CYLD: variants seen among roughly 807,000 people sequenced by gnomAD.
CYLD encodes the protein CYLD lysine 63 deubiquitinase, also known as ubiquitin carboxyl-terminal hydrolase CYLD.
In CYLD, 26 loss-of-function variants were observed where a neutral mutation model predicts 104.5. The observed-to-expected ratio is 0.25, with a 90% confidence interval of 0.18 to 0.35. The LOEUF (loss-of-function observed/expected upper bound fraction) is 0.35, where lower values mean the gene tolerates loss of function less well. Ranked by LOEUF, CYLD falls within the 10% of genes least tolerant of loss-of-function variation. The pLI is 1.00. For synonymous variants in CYLD, 385 were observed against 399.9 expected, an observed-to-expected ratio of 0.96 and a Z score of 0.45; for missense variants, 703 against 1,136.1, an observed-to-expected ratio of 0.62 and a Z score of 5.48.
intron 2 of CYLD, among the ~76,000 whole-genome samples, chr16:50,744,288 C>A (rs1353483424): frequency 6.6e-6 from 1 of 151,804 alleles, no homozygotes; most frequent in Admixed American, 6.6e-5. Context: ...CGGACTCAGT[C>A]TTTTTTCTGG....
chr16:50,749,886 C>A lies in CYLD; in HGVS notation c.188C>A (p.Ala63Glu), dbSNP rs2150896084. 6.2e-7 allele frequency: 1 copy of A among 1,614,088 alleles called. No individual in the cohort carries two copies. The highest frequency in any genetic ancestry group is 2.2e-5 in the East Asian group (1 of 44,880). The change falls in exon 3 of 19, where the codon GCA (alanine) becomes GAA (glutamate). Residue 63 changes from alanine (A) to glutamate (E), a missense_variant. Physicochemically the swap from Ala to Glu is moderately radical, Grantham distance 107. Around this residue, in one of 5 missense-constraint regions of CYLD, gnomAD observed 142 missense variants for 165.1 expected, o/e 0.86. Transcript: ENST00000427738. ...RSVGHSRIPS[A>E]KGKKNQIGLK... ...GTGGGGCATTCAAGGATTCCTTCTG[C>A]AAAAGGCAAGAAAAATCAGATTGGA...
At chr16:50,765,567 A>G (rs1242071856) in intron 5 of CYLD, among the ~76,000 whole-genome samples, 1 of 152,230 alleles carries the variant, frequency 6.6e-6, no homozygotes, top group Non-Finnish European at 1.5e-5. Flanking sequence ...ACTTTAAATC[A>G]AAAGCTAGAA....
At chr16:50,788,231 C>T (rs1396810156) in intron 14 of CYLD, among the ~76,000 whole-genome samples, 1 of 152,114 alleles carries the variant, frequency 6.6e-6, no homozygotes, top group Non-Finnish European at 1.5e-5. Flanking sequence ...ACTCATCACT[C>T]AAAAAATTTA....
intron 18 of CYLD, chr16:50,795,688 A>G (rs1971968859): frequency 2.9e-6 from 2 of 696,282 alleles, no homozygotes; most frequent in Non-Finnish European, 5.2e-6. Context: ...CTGATGCTTG[A>G]GGGATACATC....
Position 50,789,791 on chromosome 16 carries a change from T to C in CYLD, c.2109-1767T>C, listed in dbSNP as rs115371068. On this transcript the variant is annotated intron_variant, in intron 14 of 18. Transcript: ENST00000427738. ...GAGACTATAAGATGTTCTTAAATGA[T>C]TGAAGAGACAAAAGAACTAGATGAC... Among the ~76,000 whole-genome samples the C allele has an allele frequency of 5.1e-3, 778 of 152,212 alleles. 8 individuals carry two copies. Among genetic ancestry groups the C allele is most frequent in the African/African-American group, 0.018 (728 of 41,516 alleles).
chr16:50,795,942 A>G (rs2160683), intron 18 of CYLD, among the ~76,000 whole-genome samples: 1 of 151,788 alleles, frequency 6.6e-6, no homozygotes, highest in Non-Finnish European at 1.5e-5. Flanking sequence ...GACTAGATCT[A>G]TTCCAAATTG....
intron 18 of CYLD, chr16:50,795,730 A>C: frequency 1.6e-6 from 1 of 623,770 alleles, no homozygotes; most frequent in Non-Finnish European, 2.9e-6. Flanking sequence ...CCCCCAACCC[A>C]GTTAACATTT....
intron 5 of CYLD, among the ~76,000 whole-genome samples, chr16:50,755,648 A>G (rs941347747): frequency 5.3e-5 from 8 of 152,270 alleles, no homozygotes; most frequent in African/African-American, 1.9e-4. Flanking sequence ...GCATTTTCCC[A>G]TATGCTTGTT....
intron 14 of CYLD, among the ~76,000 whole-genome samples, chr16:50,788,542 C>A (rs990749255): frequency 2.0e-5 from 3 of 152,116 alleles, no homozygotes; most frequent in African/African-American, 7.2e-5. Flanking sequence ...CACTGTTGAA[C>A]TGATGGGTGA....
intron 14 of CYLD, 146 bp downstream of exon 14, chr16:50,787,998 G>A (rs1017175555): frequency 1.3e-5 from 7 of 548,500 alleles, no homozygotes; most frequent in South Asian, 4.8e-5. Context: ...TATCATGCAA[G>A]TTAATTTTAT....
intron 4 of CYLD, among the ~76,000 whole-genome samples, chr16:50,752,673 C>G (rs1966726748): frequency 6.6e-6 from 1 of 152,190 alleles, no homozygotes; most frequent in Non-Finnish European, 1.5e-5. Flanking sequence ...AGTAACTGCC[C>G]ACTTTCCCCA....
intron 5 of CYLD, among the ~76,000 whole-genome samples, chr16:50,764,778 G>A (rs1968314229): frequency 6.6e-6 from 1 of 152,112 alleles, no homozygotes; most frequent in Non-Finnish European, 1.5e-5. Context: ...AGTACTACTG[G>A]CCTCTAATGC....
chr16:50,754,210 T>G, intron 4 of CYLD, 109 bp from the exon 5 acceptor site: 1 of 762,202 alleles, frequency 1.3e-6, no homozygotes. Context: ...GGTAAAATTG[T>G]TAACATTTAC....
intron 2 of CYLD, among the ~76,000 whole-genome samples, chr16:50,748,110 A>G (rs1436374844): frequency 3.3e-5 from 5 of 152,258 alleles, no homozygotes. Context: ...AATAAAATAA[A>G]TATGATAGTG....
At chr16:50,765,072 T>TA (rs1968350332) in intron 5 of CYLD, among the ~76,000 whole-genome samples, 1 of 152,224 alleles carries the variant, frequency 6.6e-6, no homozygotes, top group Non-Finnish European at 1.5e-5. Context: ...TAATTTCACT[T>TA]GTCTTACGAA....
At chr16:50,781,131 C>T (rs776984200) in intron 9 of CYLD, 115 bp from the exon 10 acceptor site, 31 of 1,109,274 alleles carry the variant, frequency 2.8e-5, no homozygotes, top group Non-Finnish European at 3.7e-5. Context: ...AGTACAGGTG[C>T]GAAGAGGGAG....
At chr16:50,777,223 T>C (rs1412837664) in intron 7 of CYLD, among the ~76,000 whole-genome samples, 1 of 152,134 alleles carries the variant, frequency 6.6e-6, no homozygotes, top group South Asian at 2.1e-4. Flanking sequence ...CTTGAATTAA[T>C]ACTGAGGCAG....
At chr16:50,765,426 T>C (rs1968393082) in intron 5 of CYLD, among the ~76,000 whole-genome samples, 1 of 152,186 alleles carries the variant, frequency 6.6e-6, no homozygotes, top group Non-Finnish European at 1.5e-5. Flanking sequence ...CACTGACTAG[T>C]GGGGCCTCTG....
rs987749482 is a variant in CYLD, at chr16:50,797,246, G to GT, written c.*744dup. 8.6e-6 allele frequency: 2 copies of GT among 232,336 alleles called. No individual in the cohort carries two copies. The highest frequency in any genetic ancestry group is 1.7e-5 in the Non-Finnish European group (2 of 117,534). The allele number at this position is 232,336 out of a possible 1,614,324, so 14.4% of individuals were successfully genotyped here. On this transcript the variant is annotated 3_prime_UTR_variant, in exon 19 of 19. Coordinates refer to ENST00000427738, the MANE Select transcript of CYLD (RefSeq NM_001378743.1). ...CATAGTAGTTACTGTCAGCTAACAG[G>GT]TTTTTTAAGGCTTTTAACTATTAAT...
Sources: allele counts gnomAD v4.1 joint callset (sites outside exome capture counted in the v4.1 genomes callset), GRCh38; gene constraint gnomAD v4.1.1; regional missense constraint gnomAD v4.1.1; transcripts MANE v1.5; gene names NCBI Gene and HGNC (gene_info 2026-07-23, HGNC 2026-07-21).